Variants in UNC5D observed in about 807,000 individuals in gnomAD.
UNC5D encodes the protein unc-5 netrin receptor D.
Under a neutral mutation model 105.4 loss-of-function variants are expected in UNC5D, and 39 were observed. The observed-to-expected ratio is 0.37, with a 90% CI of 0.29 to 0.48. The LOEUF is 0.48. UNC5D is among the 20% of genes least tolerant of loss of function. The probability of loss-of-function intolerance (pLI) is 0.98; values close to 1 mark genes in which losing one functional copy is unlikely to be tolerated. For synonymous variants in UNC5D, 452 were observed against 450.4 expected, an observed-to-expected ratio of 1.00 and a Z score of -0.04; for missense variants, 991 against 1,202.4, an observed-to-expected ratio of 0.82 and a Z score of 2.60.
intron 1 of UNC5D, among the ~76,000 whole-genome samples, chr8:35,319,472 T>C (rs1163384812): frequency 6.6e-6 from 1 of 152,130 alleles, no homozygotes; most frequent in Non-Finnish European, 1.5e-5. Context: ...TTGTATTCCT[T>C]AATAAGATGG....
At chr8:35,291,619 G>A (rs141693984) in intron 1 of UNC5D, among the ~76,000 whole-genome samples, 158 of 152,308 alleles carry the variant, frequency 1.0e-3, no homozygotes, top group Non-Finnish European at 2.0e-3. Flanking sequence ...AGACACTTCA[G>A]TAACTTCTTG....
intron 8 of UNC5D, among the ~76,000 whole-genome samples, chr8:35,709,285 T>C (rs1827791210): frequency 6.6e-6 from 1 of 152,094 alleles, no homozygotes; most frequent in Non-Finnish European, 1.5e-5. Context: ...AGAAAATGCA[T>C]AGTGCTGAAT....
intron 2 of UNC5D, among the ~76,000 whole-genome samples, chr8:35,553,383 A>G (rs1010237698): frequency 1.4e-4 from 22 of 152,092 alleles, no homozygotes; most frequent in Admixed American, 2.6e-4. Context: ...CCAATAAAAG[A>G]CATATTTCAA....
At chr8:35,322,282 T>C (rs1023225629) in intron 1 of UNC5D, among the ~76,000 whole-genome samples, 2 of 152,172 alleles carry the variant, frequency 1.3e-5, no homozygotes, top group Non-Finnish European at 2.9e-5. Flanking sequence ...AAACATTTCA[T>C]GGTTCTTATT....
rs373544160 is a variant in UNC5D, at chr8:35,360,983, AATAT to A, written c.103+125102_103+125105del. Among the ~76,000 whole-genome samples the A allele has an allele frequency of 8.4e-3, 1,277 of 152,190 alleles. 19 individuals carry two copies. Among genetic ancestry groups the A allele is most frequent in the South Asian group, 0.07 (338 of 4,810 alleles). Reference sequence around the variant, plus strand: ...AGTTGCTTTTAAAAAGATTTTTTAAAATATATATACTCTCAAACATCAAAAGCAC... The same window carrying A: ...AGTTGCTTTTAAAAAGATTTTTTAAAATATACTCTCAAACATCAAAAGCAC... On this transcript the variant is annotated intron_variant, in intron 1 of 16. Transcript: ENST00000404895.
intron 1 of UNC5D, among the ~76,000 whole-genome samples, chr8:35,452,646 G>A (rs937551234): frequency 3.9e-5 from 6 of 152,158 alleles, no homozygotes; most frequent in Admixed American, 3.9e-4. Flanking sequence ...TAGGAAAAAA[G>A]ACACGGTAGT....
chr8:35,666,017 T>C lies in UNC5D; in HGVS notation c.571-17530T>C, dbSNP rs912569590. 5.3e-5 allele frequency among the ~76,000 whole-genome samples: 8 copies of C among 151,898 alleles called. 1 individual carries two copies. The highest frequency in any genetic ancestry group is 5.3e-4 in the Admixed American group (8 of 15,216). On this transcript the variant is annotated intron_variant, in intron 4 of 16. Coordinates refer to ENST00000404895, the MANE Select transcript of UNC5D (RefSeq NM_080872.4). The stretch of plus-strand genomic sequence containing the variant: ...TCCTTCTTGAATGGATTATTAGGGA[T>C]ATTTCCTTCTTGAATGGATTATTAG...
rs1811665303 is a variant in UNC5D, at chr8:35,497,365, G to T, written c.104-51927G>T. Among the ~76,000 whole-genome samples the T allele has an allele frequency of 4.7e-5, 5 of 106,378 alleles. No individual in the cohort carries two copies. In the South Asian group the frequency reaches 1.6e-3, roughly 34 times the overall value. The allele number at this position is 106,378 out of a possible 152,430, so 69.8% of individuals were successfully genotyped here. On this transcript the variant is annotated intron_variant, in intron 1 of 16. Coordinates refer to ENST00000404895, the MANE Select transcript of UNC5D (RefSeq NM_080872.4). ...AGACCTGCTTCAGGGACAAGACTAG[G>T]AGAAAGTGAGGGTGAGAAAGTGAGG...
At chr8:35,662,903 G>T (rs143509778) in intron 4 of UNC5D, among the ~76,000 whole-genome samples, 1 of 152,106 alleles carries the variant, frequency 6.6e-6, no homozygotes, top group East Asian at 1.9e-4. Context: ...CAGCCTCAAC[G>T]CTAGATTCTC....
chr8:35,249,062 AAT>A (rs1358638899), intron 1 of UNC5D, among the ~76,000 whole-genome samples: 1 of 116,618 alleles, frequency 8.6e-6, no homozygotes, highest in South Asian at 2.3e-4. Context: ...TAATATATAA[AAT>A]ATATATAATA....
At chr8:35,603,087 G>C (rs1820010768) in intron 4 of UNC5D, among the ~76,000 whole-genome samples, 1 of 151,928 alleles carries the variant, frequency 6.6e-6, no homozygotes, top group Non-Finnish European at 1.5e-5. Flanking sequence ...CCTTCTGTTA[G>C]CTTTTGAATG....
Position 35,705,977 on chromosome 8 carries a change from T to C in UNC5D, c.1117+16T>C, listed in dbSNP as rs368996808. On this transcript the variant is annotated intron_variant, in intron 8 of 16. Transcript: ENST00000404895. ...AAACCCCAAAGTAAGTTATTTTTCC[T>C]CTTGTGAATATAATTTATTCTCATA... The C allele has an allele frequency of 1.5e-6, 2 of 1,300,104 alleles. No individual in the cohort carries two copies. Among genetic ancestry groups the C allele is most frequent in the Admixed American group, 1.9e-5 (1 of 51,890 alleles). The allele number at this position is 1,300,104 out of a possible 1,614,324, so 80.5% of individuals were successfully genotyped here.
chr8:35,503,861 CAT>C (rs1370024298), intron 1 of UNC5D, among the ~76,000 whole-genome samples: 1 of 152,164 alleles, frequency 6.6e-6, no homozygotes, highest in East Asian at 1.9e-4. Flanking sequence ...TCAAAAAGAA[CAT>C]TAATTATAGT....
intron 1 of UNC5D, among the ~76,000 whole-genome samples, chr8:35,458,907 T>G (rs767089291): frequency 4.6e-5 from 7 of 152,144 alleles, no homozygotes; most frequent in Admixed American, 1.3e-4. Context: ...ACCAAGACAT[T>G]GTGGGGTTTA....
intron 4 of UNC5D, among the ~76,000 whole-genome samples, chr8:35,603,559 C>A (rs1353588307): frequency 1.3e-5 from 2 of 151,942 alleles, no homozygotes; most frequent in Non-Finnish European, 2.9e-5. Context: ...TCTATTAGGT[C>A]CACTTGGTGC....
chr8:35,638,749 G>A (rs1167964846), intron 4 of UNC5D, among the ~76,000 whole-genome samples: 3 of 152,076 alleles, frequency 2.0e-5, no homozygotes, highest in Non-Finnish European at 2.9e-5. Context: ...ATAGTGAGCC[G>A]TGATCCTGCC....
At chr8:35,365,404 T>G (rs557671969) in intron 1 of UNC5D, among the ~76,000 whole-genome samples, 1 of 151,996 alleles carries the variant, frequency 6.6e-6, no homozygotes, top group Non-Finnish European at 1.5e-5. Context: ...TGTGAACTAA[T>G]ATAGCAATAA....
chr8:35,732,593 C>G (rs1829251859), intron 11 of UNC5D, among the ~76,000 whole-genome samples: 1 of 152,060 alleles, frequency 6.6e-6, no homozygotes, highest in African/African-American at 2.4e-5. Flanking sequence ...GAAACCATAC[C>G]TATCTGAATT....
At chr8:35,696,853 T>TA (rs1445553865) in intron 7 of UNC5D, among the ~76,000 whole-genome samples, 1 of 152,144 alleles carries the variant, frequency 6.6e-6, no homozygotes. Context: ...CTGGCCTTCT[T>TA]ACGTGTGTTT....
Sources: allele counts gnomAD v4.1 joint callset (sites outside exome capture counted in the v4.1 genomes callset), GRCh38; gene constraint gnomAD v4.1.1; transcripts MANE v1.5; gene names NCBI Gene and HGNC (gene_info 2026-07-23, HGNC 2026-07-21).